RAPGEF2: variants seen among roughly 807,000 people sequenced by gnomAD.
RAPGEF2 encodes PDZ domain containing guanine nucleotide exchange factor (GEF) 1.
RAPGEF2 carries 54 observed loss-of-function variants against 186.7 expected under a neutral mutation model. The ratio of observed to expected loss-of-function variants is 0.29; its 90% confidence interval spans 0.23 to 0.36. The LOEUF is 0.36. Among genes scored for constraint, RAPGEF2 ranks in the 10% least tolerant of loss-of-function variants. The probability of loss-of-function intolerance (pLI) is 1.00; values close to 1 mark genes in which losing one functional copy is unlikely to be tolerated. For missense variants in RAPGEF2, 1,532 were observed against 2,045.0 expected, an observed-to-expected ratio of 0.75 and a Z score of 4.84; for synonymous variants, 712 against 705.9, an observed-to-expected ratio of 1.01 and a Z score of -0.14.
intron 7 of RAPGEF2, among the ~76,000 whole-genome samples, chr4:159,283,768 T>A (rs916836864): frequency 5.3e-5 from 8 of 152,140 alleles, no homozygotes; most frequent in South Asian, 2.1e-4. Context: ...GACATTTTTT[T>A]AAAAAAACCC....
chr4:159,168,503 C>T (rs1351843277), intron 1 of RAPGEF2, among the ~76,000 whole-genome samples: 10 of 151,208 alleles, frequency 6.6e-5, no homozygotes, highest in Non-Finnish European at 1.5e-5. Context: ...GCAGCCAGGC[C>T]CCACACATGG....
intron 1 of RAPGEF2, among the ~76,000 whole-genome samples, chr4:159,131,402 G>A (rs577377234): frequency 3.9e-5 from 6 of 152,010 alleles, no homozygotes; most frequent in Admixed American, 2.0e-4. Context: ...GAGCCACCGC[G>A]CCCAGCCTCG....
At chr4:159,351,882 T>C (rs1283729871) in intron 26 of RAPGEF2, among the ~76,000 whole-genome samples, 1 of 151,736 alleles carries the variant, frequency 6.6e-6, no homozygotes, top group Non-Finnish European at 1.5e-5. Flanking sequence ...AGCCAGGAGG[T>C]GGAGTTTTCA....
chr4:159,205,788 C>G (rs1003925342), intron 3 of RAPGEF2, among the ~76,000 whole-genome samples: 3 of 152,164 alleles, frequency 2.0e-5, no homozygotes, highest in Middle Eastern at 3.2e-3. Flanking sequence ...TCCTGTACAG[C>G]CTGCGGAACT....
At chr4:159,125,511 C>T (rs1740190985) in intron 1 of RAPGEF2, among the ~76,000 whole-genome samples, 1 of 152,070 alleles carries the variant, frequency 6.6e-6, no homozygotes, top group Admixed American at 6.5e-5. Flanking sequence ...GTAATCGTAG[C>T]ACTTTGAGAG....
At position 159,356,114 on chromosome 4, in the gene RAPGEF2, G is replaced by A. The variant is rs751777450; in HGVS notation, c.4913G>A (p.Arg1638His). 3.7e-6 allele frequency: 6 copies of A among 1,614,056 alleles called. No individual in the cohort carries two copies. The East Asian group carries it at 6.7e-5, about 18-fold the overall frequency. The change falls in exon 29 of 30, where the codon CGC (arginine) becomes CAC (histidine). Residue 1638 changes from arginine (R) to histidine (H), a missense_variant. Coordinates refer to ENST00000691494, the MANE Select transcript of RAPGEF2 (RefSeq NM_001394067.2). Reference sequence around the variant, plus strand: ...CATAAACCGAACGAGTCTGACCCGCGCCTCGCCCCCTATCAGTCCCAAGGG... The same window carrying A: ...CATAAACCGAACGAGTCTGACCCGCACCTCGCCCCCTATCAGTCCCAAGGG... ...QWHKPNESDPRLAPYQSQGFS... is the reference protein window; with the variant it reads ...QWHKPNESDPHLAPYQSQGFS...
At chr4:159,213,392 C>T (rs371231583) in intron 4 of RAPGEF2, among the ~76,000 whole-genome samples, 2 of 152,172 alleles carry the variant, frequency 1.3e-5, no homozygotes, top group African/African-American at 4.8e-5. Context: ...TCATGTAAGC[C>T]TGGAAATTGG....
intron 7 of RAPGEF2, among the ~76,000 whole-genome samples, chr4:159,280,067 G>C (rs879153450): frequency 2.6e-5 from 4 of 152,066 alleles, no homozygotes; most frequent in Non-Finnish European, 5.9e-5. Flanking sequence ...CATATGGTTC[G>C]CCAGAGGTCT....
intron 1 of RAPGEF2, among the ~76,000 whole-genome samples, chr4:159,122,696 G>A (rs1435913443): frequency 2.6e-5 from 4 of 152,160 alleles, no homozygotes; most frequent in Non-Finnish European, 5.9e-5. Context: ...TCAATGAGGA[G>A]TTTGTCCATC....
intron 7 of RAPGEF2, chr4:159,267,806 T>TTC: frequency 2.9e-6 from 3 of 1,018,202 alleles, no homozygotes; most frequent in Non-Finnish European, 3.5e-6. Flanking sequence ...TTTTTTTTTT[T>TTC]TCCTCTCCTT....
At chr4:159,147,247 A>G (rs1013543476) in intron 1 of RAPGEF2, among the ~76,000 whole-genome samples, 1 of 152,276 alleles carries the variant, frequency 6.6e-6, no homozygotes, top group Non-Finnish European at 1.5e-5. Flanking sequence ...TACAACTCAA[A>G]AAAGCAAACA....
At chr4:159,297,929 A>G (rs896346163) in intron 7 of RAPGEF2, among the ~76,000 whole-genome samples, 1 of 152,230 alleles carries the variant, frequency 6.6e-6, no homozygotes, top group Non-Finnish European at 1.5e-5. Flanking sequence ...TAACTTGCCC[A>G]GGTTCACTTG....
chr4:159,150,869 C>G (rs10030361), intron 1 of RAPGEF2, among the ~76,000 whole-genome samples: 1 of 152,278 alleles, frequency 6.6e-6, no homozygotes, highest in South Asian at 2.1e-4. Flanking sequence ...TAACTCAGCT[C>G]GTGTTCCCCT....
chr4:159,318,663 T>C (rs986368252), intron 9 of RAPGEF2, among the ~76,000 whole-genome samples: 2 of 152,206 alleles, frequency 1.3e-5, no homozygotes, highest in Admixed American at 6.5e-5. Flanking sequence ...TACTCCATTA[T>C]TGAATAGTTT....
intron 1 of RAPGEF2, among the ~76,000 whole-genome samples, chr4:159,130,589 TATTAAA>T (rs1351318573): frequency 1.3e-5 from 2 of 152,246 alleles, no homozygotes; most frequent in African/African-American, 2.4e-5. Context: ...AGTCTAATTT[TATTAAA>T]ATTAAAAATT....
Position 159,339,190 on chromosome 4 carries a change from A to G in RAPGEF2, c.2370A>G (p.Thr790=). Residue 790 remains threonine, a synonymous_variant, in exon 19 of 30, where the codon ACA becomes ACG. Transcript: ENST00000691494. The stretch of plus-strand genomic sequence containing the variant: ...ACATCATGATCAGTAAGGACACTAC[A>G]GCAAAGGAAGTGGTCATTCAGGCTA... ...SRYIMISKDT[T]AKEVVIQAIR... 6.2e-7 allele frequency: 1 copy of G among 1,614,200 alleles called. No individual in the cohort carries two copies. Among genetic ancestry groups the G allele is most frequent in the East Asian group, 2.2e-5 (1 of 44,888 alleles).
intron 9 of RAPGEF2, among the ~76,000 whole-genome samples, chr4:159,316,994 G>A (rs1764681579): frequency 6.6e-6 from 1 of 152,110 alleles, no homozygotes; most frequent in African/African-American, 2.4e-5. Flanking sequence ...TTGCTTGTCT[G>A]TTGTACCACT....
chr4:159,304,395 G>A lies in RAPGEF2; in HGVS notation c.597G>A (p.Val199=). The A allele has an allele frequency of 6.2e-7, 1 of 1,603,310 alleles. No individual in the cohort carries two copies. The highest frequency in any genetic ancestry group is 8.5e-7 in the Non-Finnish European group (1 of 1,170,576). Residue 199 remains valine (V), a synonymous_variant, in exon 8 of 30, where the codon GTG becomes GTA. Coordinates refer to ENST00000691494, the MANE Select transcript of RAPGEF2 (RefSeq NM_001394067.2). ...TTACTGACAGTCTCCACCCACAGGT[G>A]ACCCACGTTTCTTCTAGCCATTCAG... ...LHLTDSLHPQ[V]THVSSSHSGC...
Position 159,210,587 on chromosome 4 carries a change from T to G in RAPGEF2, c.281+4T>G. The G allele has an allele frequency of 6.6e-7, 1 of 1,509,628 alleles. No individual in the cohort carries two copies. The highest frequency in any genetic ancestry group is 8.9e-7 in the Non-Finnish European group (1 of 1,123,124). 93.5% of individuals were successfully genotyped at this position (1,509,628 alleles called of 1,614,324 possible). A position where few individuals can be genotyped will look rare whatever the true frequency, so the allele number is the denominator to read the frequency against. ...CCATGTTTCTTCCAAGAAGCAGGTA[T>G]TGTATAGACATTCTGTAATAGATTA... is the stretch of plus-strand genomic sequence containing the variant. On this transcript the variant is annotated splice_donor_region_variant and intron_variant, in intron 4 of 29. Coordinates refer to ENST00000691494, the MANE Select transcript of RAPGEF2 (RefSeq NM_001394067.2).
Sources: allele counts gnomAD v4.1 joint callset (sites outside exome capture counted in the v4.1 genomes callset), GRCh38; gene constraint gnomAD v4.1.1; transcripts MANE v1.5; gene names NCBI Gene and HGNC (gene_info 2026-07-23, HGNC 2026-07-21).